The following AUTS2 variants were observed in gnomAD, a reference collection of about 807,000 sequenced individuals.
AUTS2 encodes autism susceptibility gene 2 protein.
A neutral mutation model predicts 112.4 loss-of-function variants in AUTS2; 17 were observed. The ratio of observed to expected loss-of-function variants is 0.15; its 90% CI spans 0.10 to 0.23. AUTS2 has a LOEUF of 0.23. Among genes scored for constraint, AUTS2 ranks in the 10% least tolerant of loss-of-function variants. The pLI is 1.00. For synonymous variants in AUTS2, 751 were observed against 702.7 expected (o/e 1.07, Z -1.09); for missense variants, 1,510 against 1,701.6 (o/e 0.89, Z 1.98).
At chr7:70,264,457 C>G (rs1156519440) in intron 4 of AUTS2, among the ~76,000 whole-genome samples, 1 of 152,176 alleles carries the variant, frequency 6.6e-6, no homozygotes, top group Non-Finnish European at 1.5e-5. Context: ...CTGCCTGCCT[C>G]AGCCTCCCAA....
At chr7:70,540,324 C>A (rs1207804910) in intron 5 of AUTS2, among the ~76,000 whole-genome samples, 4 of 152,166 alleles carry the variant, frequency 2.6e-5, no homozygotes, top group Admixed American at 2.0e-4. Context: ...ACCCCCCTAG[C>A]AGATATGTGG....
At chr7:69,696,805 T>C (rs1371421608) in intron 1 of AUTS2, among the ~76,000 whole-genome samples, 1 of 152,228 alleles carries the variant, frequency 6.6e-6, no homozygotes, top group Non-Finnish European at 1.5e-5. Flanking sequence ...ACTTTTGTAT[T>C]TTCATTGGTA....
chr7:70,076,652 T>C (rs971779738), intron 2 of AUTS2, among the ~76,000 whole-genome samples: 3 of 152,180 alleles, frequency 2.0e-5, no homozygotes, highest in Admixed American at 2.0e-4. Flanking sequence ...GTGGATCAAA[T>C]GTGTGGATAG....
chr7:69,614,144 T>C (rs570282439), intron 1 of AUTS2, among the ~76,000 whole-genome samples: 2 of 152,266 alleles, frequency 1.3e-5, no homozygotes, highest in Admixed American at 1.3e-4. Context: ...GGTCATTCTC[T>C]GGGACTTCAC....
At chr7:70,339,301 C>T (rs1348368511) in intron 4 of AUTS2, among the ~76,000 whole-genome samples, 1 of 152,148 alleles carries the variant, frequency 6.6e-6, no homozygotes, top group African/African-American at 2.4e-5. Context: ...TATCTCTTTG[C>T]ACCAGTATGA....
intron 1 of AUTS2, among the ~76,000 whole-genome samples, chr7:69,683,903 A>ACATT (rs1796936239): frequency 6.6e-6 from 1 of 152,180 alleles, no homozygotes; most frequent in Non-Finnish European, 1.5e-5. Flanking sequence ...AGAGTTAATG[A>ACATT]GACTCCGTGT....
intron 16 of AUTS2, 64 bp from the exon 17 acceptor site, chr7:70,785,890 GA>G: frequency 6.6e-7 from 1 of 1,506,606 alleles, no homozygotes; most frequent in Non-Finnish European, 9.2e-7. Flanking sequence ...CTGCTCCCAG[GA>G]AGCTCTGGGT....
At chr7:70,662,153 C>T (rs537196760) in intron 5 of AUTS2, among the ~76,000 whole-genome samples, 24 of 152,358 alleles carry the variant, frequency 1.6e-4, no homozygotes, top group Admixed American at 9.8e-4. Flanking sequence ...AAGTTGGCCC[C>T]GAGTGGGAAG....
intron 5 of AUTS2, among the ~76,000 whole-genome samples, chr7:70,589,604 C>T (rs1802843411): frequency 6.6e-6 from 1 of 152,192 alleles, no homozygotes; most frequent in Non-Finnish European, 1.5e-5. Flanking sequence ...ATCCCAGCTA[C>T]TCAGAAGGCT....
At chr7:69,667,363 T>C (rs954446549) in intron 1 of AUTS2, among the ~76,000 whole-genome samples, 5 of 150,784 alleles carry the variant, frequency 3.3e-5, no homozygotes, top group African/African-American at 9.8e-5. Flanking sequence ...TTTTTTTTTT[T>C]TTTTTTTTGA....
rs571081300 is a variant in AUTS2, at chr7:70,541,013, C to A, written c.690+105232C>A. ...AAAGTCCCCCCCTATGAAGTGAAGTCTGTTTCTGTTGCTTTTTCCCACTGG... is the reference window on the plus strand; with the variant it reads ...AAAGTCCCCCCCTATGAAGTGAAGTATGTTTCTGTTGCTTTTTCCCACTGG... On this transcript the variant is annotated intron_variant, in intron 5 of 18. Coordinates refer to ENST00000342771, the MANE Select transcript of AUTS2 (RefSeq NM_015570.4). 1.4e-4 allele frequency among the ~76,000 whole-genome samples: 21 copies of A among 152,300 alleles called. No individual in the cohort carries two copies. The South Asian group carries it at 3.5e-3, about 26-fold the overall frequency.
chr7:70,318,779 G>C (rs936386622), intron 4 of AUTS2, among the ~76,000 whole-genome samples: 2 of 152,174 alleles, frequency 1.3e-5, no homozygotes, highest in Non-Finnish European at 2.9e-5. Context: ...GAAGTGTTTA[G>C]AGAACTGAGG....
At chr7:69,888,742 T>C (rs187274289) in intron 1 of AUTS2, among the ~76,000 whole-genome samples, 1 of 151,128 alleles carries the variant, frequency 6.6e-6, no homozygotes, top group Admixed American at 6.6e-5. Context: ...CCTGGCTAAT[T>C]TTTTGTATTT....
At position 69,753,231 on chromosome 7, in the gene AUTS2, T is replaced by C. The variant is rs892570202; in HGVS notation, c.310-146055T>C. On this transcript the variant is annotated intron_variant, in intron 1 of 18. Transcript: ENST00000342771. ...AAAGGAGCATCTCCTTTTACTTCTT[T>C]GTGGAGTTTGTTTGGCTGGTCTGCT... 2.6e-5 allele frequency among the ~76,000 whole-genome samples: 4 copies of C among 152,308 alleles called. No individual in the cohort carries two copies. In the South Asian group the frequency reaches 8.3e-4, roughly 32 times the overall value.
intron 4 of AUTS2, among the ~76,000 whole-genome samples, chr7:70,420,791 G>A (rs1585125132): frequency 6.6e-6 from 1 of 152,242 alleles, no homozygotes; most frequent in East Asian, 1.9e-4. Context: ...GGACCTGAGA[G>A]AGGGATAGAA....
intron 4 of AUTS2, among the ~76,000 whole-genome samples, chr7:70,349,845 T>G (rs1313278484): frequency 6.6e-6 from 1 of 152,224 alleles, no homozygotes; most frequent in Non-Finnish European, 1.5e-5. Context: ...CTGTTCTTAA[T>G]CAGCTGGACG....
chr7:70,328,712 T>G (rs1171600348), intron 4 of AUTS2, among the ~76,000 whole-genome samples: 3 of 152,192 alleles, frequency 2.0e-5, no homozygotes, highest in Non-Finnish European at 4.4e-5. Flanking sequence ...AAGAATGATT[T>G]TAAGCCAACA....
At chr7:70,305,674 TCAAA>T (rs1406717623) in intron 4 of AUTS2, among the ~76,000 whole-genome samples, 1 of 152,126 alleles carries the variant, frequency 6.6e-6, no homozygotes, top group African/African-American at 2.4e-5. Context: ...TTTAAAAAAA[TCAAA>T]CAAACCAGAC....
At chr7:70,544,027 C>A (rs773003145) in intron 5 of AUTS2, among the ~76,000 whole-genome samples, 1 of 152,126 alleles carries the variant, frequency 6.6e-6, no homozygotes, top group Non-Finnish European at 1.5e-5. Context: ...GGGATGTCTG[C>A]CCCAGTAAGC....
Sources: gnomAD v4.1 joint callset for allele counts (sites outside exome capture counted in the v4.1 genomes callset) on GRCh38, gnomAD v4.1.1 for gene constraint, MANE v1.5 for transcripts, NCBI Gene and HGNC (gene_info 2026-07-23, HGNC 2026-07-21) for gene names.